Variants in SUPT3H observed in about 807,000 individuals in gnomAD.
SUPT3H encodes transcription initiation protein SPT3 homolog.
In SUPT3H, 44 loss-of-function variants were observed where a neutral mutation model predicts 44.3. The observed-to-expected ratio is 0.99, with a 90% CI of 0.78 to 1.28. The LOEUF is 1.28. Ranked by LOEUF, SUPT3H falls within the 50% of genes most tolerant of loss-of-function variation. SUPT3H has a pLI of 0.00. For synonymous variants in SUPT3H, 124 were observed against 125.6 expected, an observed-to-expected ratio of 0.99 and a Z score of 0.09; for missense variants, 380 against 387.1, an observed-to-expected ratio of 0.98 and a Z score of 0.15.
rs1435652688 is a variant in SUPT3H at position 45,157,874 on chromosome 6, G to A, written c.102-51868C>T. On this transcript the variant is annotated intron_variant, in intron 2 of 10. Transcript: ENST00000371459. The stretch of plus-strand genomic sequence containing the variant: ...ATTATATTTTTAAAAAGCTTTTTAG[G>A]TAATTTTAATGTGTAGCCAAGGATG... Among the ~76,000 whole-genome samples the A allele has an allele frequency of 2.0e-5, 3 of 151,326 alleles. No individual in the cohort carries two copies. The East Asian group carries it at 5.8e-4, about 29-fold the overall frequency.
intron 2 of SUPT3H, among the ~76,000 whole-genome samples, chr6:45,135,552 T>C (rs1804139296): frequency 6.6e-6 from 1 of 152,230 alleles, no homozygotes; most frequent in South Asian, 2.1e-4. Flanking sequence ...ATTCCGCCTC[T>C]TATGAAGCCC....
intron 2 of SUPT3H, among the ~76,000 whole-genome samples, chr6:45,311,653 C>T (rs887335018): frequency 6.6e-6 from 1 of 152,108 alleles, no homozygotes; most frequent in Non-Finnish European, 1.5e-5. Flanking sequence ...GATTGGGGCC[C>T]TATCTTCAAC....
At chr6:44,990,172 G>A (rs1322032538) in intron 6 of SUPT3H, among the ~76,000 whole-genome samples, 2 of 147,274 alleles carry the variant, frequency 1.4e-5, no homozygotes, top group African/African-American at 4.9e-5. Context: ...GAGAGATAAG[G>A]ATTCAATTTC....
chr6:45,223,179 C>T (rs1209977927), intron 2 of SUPT3H, among the ~76,000 whole-genome samples: 2 of 151,936 alleles, frequency 1.3e-5, no homozygotes, highest in African/African-American at 4.8e-5. Context: ...AAGAACTAAA[C>T]ACTAAACAAA....
intron 11 of SUPT3H, among the ~76,000 whole-genome samples, chr6:44,815,041 A>C (rs549325399): frequency 2.6e-5 from 4 of 152,106 alleles, no homozygotes; most frequent in Non-Finnish European, 4.4e-5. Context: ...AAGTGTTACT[A>C]TAGGTTACAA....
At chr6:45,056,838 C>A (rs9395061) in intron 3 of SUPT3H, among the ~76,000 whole-genome samples, 147,712 of 152,190 alleles carry the variant, frequency 0.97, 71,712 homozygotes, top group East Asian at 1. Context: ...AAGTTTCCCC[C>A]AAACCAATTG....
At chr6:44,897,920 T>C (rs1764350758) in intron 10 of SUPT3H, among the ~76,000 whole-genome samples, 1 of 152,224 alleles carries the variant, frequency 6.6e-6, no homozygotes, top group Non-Finnish European at 1.5e-5. Flanking sequence ...CACCAAATCA[T>C]ACTGTATTTT....
At chr6:44,861,686 G>T (rs1312617099) in intron 10 of SUPT3H, among the ~76,000 whole-genome samples, 1 of 151,888 alleles carries the variant, frequency 6.6e-6, no homozygotes, top group Non-Finnish European at 1.5e-5. Context: ...CACCATGCCT[G>T]GCCCCAGCCA....
chr6:45,326,104 T>C (rs1294691714), intron 2 of SUPT3H, among the ~76,000 whole-genome samples: 2 of 151,860 alleles, frequency 1.3e-5, no homozygotes, highest in South Asian at 2.1e-4. Context: ...AAATAGATGT[T>C]AAAAATTACT....
At chr6:44,990,996 C>T (rs768486256) in intron 6 of SUPT3H, among the ~76,000 whole-genome samples, 11 of 151,894 alleles carry the variant, frequency 7.2e-5, no homozygotes, top group Non-Finnish European at 1.5e-4. Context: ...CTAAAGGTGG[C>T]CACTTTTGTA....
intron 2 of SUPT3H, among the ~76,000 whole-genome samples, chr6:45,268,680 G>A (rs143451527): frequency 0.018 from 2,663 of 152,120 alleles, 49 homozygotes; most frequent in South Asian, 0.085. Flanking sequence ...CTAAATGTTA[G>A]ATAACTAAGA....
chr6:45,374,501 G>T (rs1282571046), intron 1 of SUPT3H, among the ~76,000 whole-genome samples: 1 of 152,176 alleles, frequency 6.6e-6, no homozygotes, highest in South Asian at 2.1e-4. Flanking sequence ...TCAAGTGTTA[G>T]AGCCTCAATA....
At chr6:45,163,370 TA>T (rs1247100166) in intron 2 of SUPT3H, among the ~76,000 whole-genome samples, 2 of 152,172 alleles carry the variant, frequency 1.3e-5, no homozygotes, top group Admixed American at 1.3e-4. Context: ...TGGCCAAGAA[TA>T]CAGCCAGTTA....
chr6:45,268,273 G>A (rs748595995), intron 2 of SUPT3H, among the ~76,000 whole-genome samples: 11 of 152,186 alleles, frequency 7.2e-5, no homozygotes, highest in East Asian at 5.8e-4. Flanking sequence ...AAAGGGGTGC[G>A]TGTGGAACTC....
chr6:44,997,735 C>T (rs1562227142), intron 6 of SUPT3H, among the ~76,000 whole-genome samples: 1 of 151,758 alleles, frequency 6.6e-6, no homozygotes, highest in Non-Finnish European at 1.5e-5. Context: ...TGACAGAACT[C>T]TTAATATTTT....
chr6:44,876,619 A>T (rs1777324344), intron 10 of SUPT3H, among the ~76,000 whole-genome samples: 1 of 150,472 alleles, frequency 6.6e-6, no homozygotes, highest in Non-Finnish European at 1.5e-5. Flanking sequence ...TAACCTGCAC[A>T]ATGTGCACAT....
intron 10 of SUPT3H, among the ~76,000 whole-genome samples, chr6:44,846,029 A>T (rs1379039894): frequency 6.6e-6 from 1 of 152,128 alleles, no homozygotes; most frequent in East Asian, 1.9e-4. Flanking sequence ...TTCAGCTGTA[A>T]ACGTTCACCC....
intron 2 of SUPT3H, among the ~76,000 whole-genome samples, chr6:45,106,893 C>T (rs1242286833): frequency 2.0e-5 from 3 of 152,202 alleles, no homozygotes; most frequent in Admixed American, 6.5e-5. Flanking sequence ...CTAACAACTA[C>T]TTCACAATAC....
At chr6:45,171,479 G>T (rs1810757236) in intron 2 of SUPT3H, among the ~76,000 whole-genome samples, 1 of 152,092 alleles carries the variant, frequency 6.6e-6, no homozygotes, top group Non-Finnish European at 1.5e-5. Flanking sequence ...CACCTACACA[G>T]AAATCAGTAC....
Sources: gnomAD v4.1 joint callset for allele counts (sites outside exome capture counted in the v4.1 genomes callset) on GRCh38, gnomAD v4.1.1 for gene constraint, MANE v1.5 for transcripts, NCBI Gene and HGNC (gene_info 2026-07-23, HGNC 2026-07-21) for gene names.